TSHR: variants seen among roughly 807,000 people sequenced by gnomAD.
TSHR encodes the protein thyrotropin receptor.
A neutral mutation model predicts 64.1 loss-of-function variants in TSHR; 51 were observed. That is an observed-to-expected ratio of 0.80 (90% confidence interval 0.64 to 1.01). The LOEUF is 1.01. Among genes scored for constraint, TSHR ranks in the 50% least tolerant of loss-of-function variants. TSHR has a pLI of 0.00. For synonymous variants in TSHR, 361 were observed against 361.9 expected (o/e 1.00, Z 0.03); for missense variants, 877 against 942.8 (o/e 0.93, Z 0.91).
At position 81,146,095 on chromosome 14, in the gene TSHR, G is replaced by T. The variant is rs886050861; in HGVS notation, c.*1742G>T. 3.1e-5 allele frequency: 7 copies of T among 229,242 alleles called. No individual in the cohort carries two copies. The highest frequency in any genetic ancestry group is 1.1e-4 in the Admixed American group (2 of 17,632). The allele number at this position is 229,242 out of a possible 1,614,324, so 14.2% of individuals were successfully genotyped here. A position where few individuals can be genotyped will look rare whatever the true frequency, so the allele number is the denominator to read the frequency against. On this transcript the variant is annotated 3_prime_UTR_variant, in exon 10 of 10. Transcript: ENST00000298171. ...ACCTAGAAGTTCGCTTGTAACTAATGAAATTAAACAAATGTGTTGCCTTTT... is the reference window on the plus strand; with the variant it reads ...ACCTAGAAGTTCGCTTGTAACTAATTAAATTAAACAAATGTGTTGCCTTTT...
chr14:81,098,011 T>C (rs1435676322), intron 7 of TSHR, among the ~76,000 whole-genome samples: 1 of 152,196 alleles, frequency 6.6e-6, no homozygotes, highest in Non-Finnish European at 1.5e-5. Flanking sequence ...GAGACCCTCC[T>C]TCCATCTTAA....
intron 8 of TSHR, among the ~76,000 whole-genome samples, chr14:81,122,850 C>T (rs975856779): frequency 6.6e-6 from 1 of 152,062 alleles, no homozygotes; most frequent in Non-Finnish European, 1.5e-5. Context: ...TTAGGCTGGG[C>T]GTGGTGGCTC....
rs970277878 is a variant in TSHR, at chr14:81,031,156, C to T, written c.171-30992C>T. Among the ~76,000 whole-genome samples the T allele has an allele frequency of 2.6e-5, 4 of 151,984 alleles. 1 individual carries two copies. Among genetic ancestry groups the T allele is most frequent in the East Asian group, 3.9e-4 (2 of 5,178 alleles). On this transcript the variant is annotated intron_variant, in intron 1 of 9. Coordinates refer to ENST00000298171, the MANE Select transcript of TSHR (RefSeq NM_000369.5). The stretch of plus-strand genomic sequence containing the variant: ...TATAAATCTGTTCACTCTCCTGCAC[C>T]GGAGGAAGGGGAGATGGAAAGCTGG...
In TSHR at chr14:81,145,459, G is replaced by T. The variant is rs150923034; in HGVS notation, c.*1106G>T. ...AAAATTCAATTAAGTAAACATACTC[G>T]CCTGGATCTGAATCATTCATTTAAT... is the stretch of plus-strand genomic sequence containing the variant. On this transcript the variant is annotated 3_prime_UTR_variant, in exon 10 of 10. Transcript: ENST00000298171. 6.7e-3 allele frequency: 1,570 copies of T among 232,736 alleles called. 37 individuals are homozygous for T. The highest frequency in any genetic ancestry group is 0.033 in the African/African-American group (1,501 of 45,278). 14.4% of individuals were successfully genotyped at this position (232,736 alleles called of 1,614,324 possible). A position where few individuals can be genotyped will look rare whatever the true frequency, so the allele number is the denominator to read the frequency against.
chr14:81,019,734 T>C (rs1883635201), intron 1 of TSHR, among the ~76,000 whole-genome samples: 1 of 152,112 alleles, frequency 6.6e-6, no homozygotes, highest in African/African-American at 2.4e-5. Flanking sequence ...CTGGTGTTAG[T>C]TTGCTGAGAA....
intron 3 of TSHR, among the ~76,000 whole-genome samples, chr14:81,075,108 C>T (rs1375437308): frequency 6.6e-6 from 1 of 152,196 alleles, no homozygotes; most frequent in Non-Finnish European, 1.5e-5. Flanking sequence ...TACTTTTTTA[C>T]CAATCACCGA....
At chr14:80,965,532 C>G (rs1020471677) in intron 1 of TSHR, among the ~76,000 whole-genome samples, 2 of 152,144 alleles carry the variant, frequency 1.3e-5, no homozygotes, top group African/African-American at 4.8e-5. Context: ...GTTTCTAATG[C>G]CTCCTACATG....
At chr14:81,010,687 A>C (rs1329067311) in intron 1 of TSHR, among the ~76,000 whole-genome samples, 1 of 151,922 alleles carries the variant, frequency 6.6e-6, no homozygotes. Context: ...GTCTTATTGC[A>C]TTCATTAGAA....
chr14:81,038,455 A>C (rs1304219725), intron 1 of TSHR, among the ~76,000 whole-genome samples: 1 of 151,710 alleles, frequency 6.6e-6, no homozygotes, highest in African/African-American at 2.4e-5. Flanking sequence ...AGAACAAGCT[A>C]AATTTAAAAT....
intron 8 of TSHR, among the ~76,000 whole-genome samples, chr14:81,138,336 A>G (rs552766045): frequency 9.2e-5 from 14 of 151,760 alleles, no homozygotes; most frequent in African/African-American, 3.4e-4. Context: ...GACTACAGGC[A>G]CGTGCCACCA....
chr14:81,046,297 A>G (rs1335374433), intron 1 of TSHR, among the ~76,000 whole-genome samples: 2 of 152,106 alleles, frequency 1.3e-5, no homozygotes, highest in Non-Finnish European at 2.9e-5. Flanking sequence ...CTTCTAAACA[A>G]CCTCAAAAAA....
At position 81,090,964 on chromosome 14, in the gene TSHR, G is replaced by T. The variant is rs1888684754; in HGVS notation, c.393-105G>T. The T allele has an allele frequency of 3.2e-6, 3 of 950,874 alleles. No individual in the cohort carries two copies. The Admixed American group carries it at 5.7e-5, about 18-fold the overall frequency. 58.9% of individuals were successfully genotyped at this position (950,874 alleles called of 1,614,324 possible). On this transcript the variant is annotated intron_variant, in intron 4 of 9. Coordinates refer to ENST00000298171, the MANE Select transcript of TSHR (RefSeq NM_000369.5). ...GGTGTTGGGAGTTTGACTACAGGTT[G>T]TCTTCAGAACCCATGCTTTCAGCTA...
chr14:80,968,545 C>G (rs2284718), intron 1 of TSHR, among the ~76,000 whole-genome samples: 28,256 of 152,188 alleles, frequency 0.19, 3,238 homozygotes, highest in Admixed American at 0.28. Flanking sequence ...CCTTATCTCT[C>G]TTTGACTCCA....
chr14:81,107,773 A>G (rs1482042031), intron 7 of TSHR, among the ~76,000 whole-genome samples: 1 of 152,168 alleles, frequency 6.6e-6, no homozygotes, highest in Non-Finnish European at 1.5e-5. Flanking sequence ...ACAACAGACA[A>G]CTTTTAATAT....
intron 1 of TSHR, among the ~76,000 whole-genome samples, chr14:80,989,685 G>C (rs1566751481): frequency 6.6e-6 from 1 of 152,128 alleles, no homozygotes; most frequent in East Asian, 1.9e-4. Flanking sequence ...CCCACAGCGT[G>C]TGGATTGCAT....
chr14:81,134,425 C>T (rs1434223676), intron 8 of TSHR, among the ~76,000 whole-genome samples: 2 of 152,192 alleles, frequency 1.3e-5, no homozygotes, highest in East Asian at 1.9e-4. Flanking sequence ...TGTGAGCCAC[C>T]GCACCCAACC....
intron 1 of TSHR, chr14:81,014,099 T>A (rs1249740936): frequency 6.6e-6 from 1 of 152,190 alleles, no homozygotes; most frequent in African/African-American, 2.4e-5. Flanking sequence ...GTTATTTTAG[T>A]CCAAAAGCCA....
intron 7 of TSHR, among the ~76,000 whole-genome samples, chr14:81,100,197 A>AT (rs1243648521): frequency 6.6e-6 from 1 of 152,210 alleles, no homozygotes; most frequent in Non-Finnish European, 1.5e-5. Flanking sequence ...AACAAGATAT[A>AT]TAAGTGGACT....
rs746949539 is a variant in TSHR, at chr14:81,144,372, A to G, written c.*19A>G. On this transcript the variant is annotated 3_prime_UTR_variant, in exon 10 of 10. Coordinates refer to ENST00000298171, the MANE Select transcript of TSHR (RefSeq NM_000369.5). ...TTTGTAAGTTAACACTACACTACTC[A>G]CAATGGTAGGGGAACTTACAAAATA... is the stretch of plus-strand genomic sequence containing the variant. 1.7e-5 allele frequency: 27 copies of G among 1,611,512 alleles called. No individual in the cohort carries two copies. Among genetic ancestry groups the G allele is most frequent in the Non-Finnish European group, 1.7e-5 (20 of 1,177,964 alleles).
Sources: allele counts gnomAD v4.1 joint callset (sites outside exome capture counted in the v4.1 genomes callset), GRCh38; gene constraint gnomAD v4.1.1; transcripts MANE v1.5; gene names NCBI Gene and HGNC (gene_info 2026-07-23, HGNC 2026-07-21).